The following GRID2 variants were observed in gnomAD, a reference collection of about 807,000 sequenced individuals.
GRID2 encodes glutamate receptor ionotropic, delta-2.
A neutral mutation model predicts 114.8 loss-of-function variants in GRID2; 33 were observed. That is an observed-to-expected ratio of 0.29 (90% CI 0.22 to 0.38). The LOEUF (loss-of-function observed/expected upper bound fraction) is 0.38, where lower values mean the gene tolerates loss of function less well. Among genes scored for constraint, GRID2 ranks in the 10% least tolerant of loss-of-function variants. The pLI is 1.00. For synonymous variants in GRID2, 505 were observed against 449.9 expected (o/e 1.12, Z -1.55); for missense variants, 1,184 against 1,257.7 (o/e 0.94, Z 0.89).
At chr4:92,423,910 T>C (rs1732024575) in intron 1 of GRID2, among the ~76,000 whole-genome samples, 1 of 152,056 alleles carries the variant, frequency 6.6e-6, no homozygotes, top group Non-Finnish European at 1.5e-5. Flanking sequence ...ATAATATTCA[T>C]AAATTAAAAA....
chr4:92,434,775 T>C (rs2110346772), intron 1 of GRID2, among the ~76,000 whole-genome samples: 1 of 152,190 alleles, frequency 6.6e-6, no homozygotes, highest in South Asian at 2.1e-4. Flanking sequence ...ATATAATATA[T>C]AGATAGATAG....
At chr4:93,398,133 G>GTGTGTGTGTGTGTATATATATATA in intron 9 of GRID2, among the ~76,000 whole-genome samples, 3 of 122,350 alleles carry the variant, frequency 2.5e-5, no homozygotes, top group African/African-American at 1.2e-4. Context: ...ATGTGTGTGT[G>GTGTGTGTGTGTGTATATATATATA]TATATATATA....
chr4:93,484,635 C>G lies in GRID2; in HGVS notation c.1859-6004C>G, dbSNP rs1427606704. Among the ~76,000 whole-genome samples, 3 of 151,804 alleles carry G rather than the reference C, an allele frequency of 2.0e-5. No homozygotes were observed. In the Admixed American group the frequency reaches 2.0e-4, roughly 10 times the overall value. On this transcript the variant is annotated intron_variant, in intron 11 of 15. Transcript: ENST00000282020. ...ACATACAGAAAATGGAAGTGAAGTACAGAAACAGCTGGATTGATTACAGCT... is the reference window on the plus strand; with the variant it reads ...ACATACAGAAAATGGAAGTGAAGTAGAGAAACAGCTGGATTGATTACAGCT...
rs1244127362 is a variant in GRID2 at position 92,961,981 on chromosome 4, T to G, written c.245-123014T>G. On this transcript the variant is annotated intron_variant, in intron 2 of 15. Transcript: ENST00000282020. ...GCCCAAGAAAGGCATTCTTTATTAC[T>G]TTTACAGTGTTTTTGAGCTCTAGAA... Among the ~76,000 whole-genome samples, 55 of 151,960 alleles carry G rather than the reference T, an allele frequency of 3.6e-4. 1 individual carries two copies. The highest frequency in any genetic ancestry group is 3.6e-3 in the Admixed American group (55 of 15,210).
At chr4:93,529,431 C>T (rs528702613) in intron 13 of GRID2, among the ~76,000 whole-genome samples, 2 of 152,226 alleles carry the variant, frequency 1.3e-5, no homozygotes, top group East Asian at 1.9e-4. Context: ...TTAGAGCCCA[C>T]GGCAGAACTA....
At chr4:92,992,098 G>A (rs1012580609) in intron 2 of GRID2, among the ~76,000 whole-genome samples, 28 of 152,110 alleles carry the variant, frequency 1.8e-4, no homozygotes, top group African/African-American at 5.8e-4. Flanking sequence ...GTTGCATCAG[G>A]TAGAAGAAGG....
At chr4:92,961,417 T>C (rs989899275) in intron 2 of GRID2, among the ~76,000 whole-genome samples, 2 of 151,352 alleles carry the variant, frequency 1.3e-5, no homozygotes, top group African/African-American at 4.8e-5. Flanking sequence ...TTCTTATTTC[T>C]CTTTCACATT....
chr4:93,150,988 G>A (rs1736681075), intron 4 of GRID2, among the ~76,000 whole-genome samples: 1 of 151,722 alleles, frequency 6.6e-6, no homozygotes, highest in South Asian at 2.1e-4. Flanking sequence ...AATTAGCCAG[G>A]CATGGTGGTG....
At chr4:93,442,233 T>C (rs796564656) in intron 10 of GRID2, among the ~76,000 whole-genome samples, 30 of 152,186 alleles carry the variant, frequency 2.0e-4, no homozygotes, top group African/African-American at 7.2e-4. Flanking sequence ...TTGATTTGCA[T>C]TTGACTGAAA....
intron 4 of GRID2, chr4:93,111,839 A>T (rs1455532638): frequency 6.6e-6 from 1 of 150,778 alleles, no homozygotes; most frequent in Non-Finnish European, 1.5e-5. Flanking sequence ...GGAACATGTT[A>T]GAAGTTCTTT....
At chr4:92,618,847 A>C (rs1730135879) in intron 2 of GRID2, among the ~76,000 whole-genome samples, 1 of 151,760 alleles carries the variant, frequency 6.6e-6, no homozygotes, top group African/African-American at 2.4e-5. Flanking sequence ...GTCTGTGTAC[A>C]GAAAGACTAC....
chr4:93,677,464 G>T (rs1725007257), intron 14 of GRID2, among the ~76,000 whole-genome samples: 1 of 152,174 alleles, frequency 6.6e-6, no homozygotes, highest in Admixed American at 6.5e-5. Flanking sequence ...CTGAGAACGG[G>T]CAGACTGCCT....
At chr4:93,559,987 C>A (rs931448157) in intron 13 of GRID2, among the ~76,000 whole-genome samples, 6 of 151,682 alleles carry the variant, frequency 4.0e-5, no homozygotes, top group Admixed American at 3.9e-4. Flanking sequence ...AACAGAAAAC[C>A]AAACACCACA....
Position 93,589,465 on chromosome 4 carries a change from G to A in GRID2, c.2194-36804G>A, listed in dbSNP as rs551973544. On this transcript the variant is annotated intron_variant, in intron 13 of 15. Transcript: ENST00000282020. ...TCTAGTCTATCATTGTTGGACATTT[G>A]GGTTGGTTCCAAGTCTTTGCTATTG... Among the ~76,000 whole-genome samples the A allele has an allele frequency of 8.6e-5, 13 of 151,968 alleles. 1 individual carries two copies. The South Asian group carries it at 1.5e-3, about 17-fold the overall frequency.
intron 1 of GRID2, among the ~76,000 whole-genome samples, chr4:92,389,222 G>T (rs573910749): frequency 6.6e-6 from 1 of 152,090 alleles, no homozygotes; most frequent in Non-Finnish European, 1.5e-5. Flanking sequence ...TCATTATATT[G>T]AAATTATGGT....
chr4:93,331,308 GA>G (rs1191210073), intron 8 of GRID2, among the ~76,000 whole-genome samples: 2 of 150,158 alleles, frequency 1.3e-5, no homozygotes, highest in African/African-American at 5.0e-5. Flanking sequence ...CTCTGCTTGG[GA>G]AATTCTTCTC....
chr4:92,334,675 G>T (rs796805069), intron 1 of GRID2, among the ~76,000 whole-genome samples: 1 of 152,170 alleles, frequency 6.6e-6, no homozygotes, highest in African/African-American at 2.4e-5. Context: ...CTCTCGTGAT[G>T]TAATCAGCTC....
At chr4:92,599,809 G>C (rs982040491) in intron 2 of GRID2, among the ~76,000 whole-genome samples, 2 of 151,694 alleles carry the variant, frequency 1.3e-5, no homozygotes, top group Admixed American at 1.3e-4. Context: ...GATGGATCAC[G>C]AGGTCAAGAT....
At chr4:93,049,284 T>C (rs1051481198) in intron 2 of GRID2, among the ~76,000 whole-genome samples, 2 of 152,086 alleles carry the variant, frequency 1.3e-5, no homozygotes, top group African/African-American at 2.4e-5. Context: ...TTTATTTATG[T>C]AACAAATAAA....
Sources: gnomAD v4.1 joint callset for allele counts (sites outside exome capture counted in the v4.1 genomes callset) on GRCh38, gnomAD v4.1.1 for gene constraint, MANE v1.5 for transcripts, NCBI Gene and HGNC (gene_info 2026-07-23, HGNC 2026-07-21) for gene names.